PCDHAC2: variants seen among roughly 807,000 people sequenced by gnomAD.
PCDHAC2 encodes protocadherin alpha subfamily C, 2.
A neutral mutation model predicts 63.3 loss-of-function variants in PCDHAC2; 24 were observed. The ratio of observed to expected loss-of-function variants is 0.38; its 90% CI spans 0.27 to 0.53. The LOEUF (loss-of-function observed/expected upper bound fraction) is 0.53. Ranked by LOEUF, PCDHAC2 falls within the 20% of genes least tolerant of loss-of-function variation. PCDHAC2 has a pLI of 0.81. For synonymous variants in PCDHAC2, 569 were observed against 529.4 expected, an observed-to-expected ratio of 1.07 and a Z score of -1.03; for missense variants, 1,181 against 1,275.2, an observed-to-expected ratio of 0.93 and a Z score of 1.12.
chr5:140,997,610 C>A (rs1223241020), intron 3 of PCDHAC2, among the ~76,000 whole-genome samples: 1 of 151,776 alleles, frequency 6.6e-6, no homozygotes, highest in Non-Finnish European at 1.5e-5. Flanking sequence ...GGGCGCATGA[C>A]TATATAGAGA....
At chr5:140,992,807 C>G (rs781970284) in intron 3 of PCDHAC2, among the ~76,000 whole-genome samples, 6 of 152,108 alleles carry the variant, frequency 3.9e-5, no homozygotes, top group Non-Finnish European at 4.4e-5. Flanking sequence ...CCATATGTAT[C>G]TAAGGATGTG....
At chr5:141,007,379 C>T (rs1178671835) in intron 3 of PCDHAC2, among the ~76,000 whole-genome samples, 1 of 139,926 alleles carries the variant, frequency 7.1e-6, no homozygotes, top group Non-Finnish European at 1.5e-5. Context: ...GATGGAACAC[C>T]ATCTCTACTA....
chr5:141,009,494 A>G (rs1554262180), intron 3 of PCDHAC2, 133 bp from the exon 4 acceptor site: 16 of 1,488,800 alleles, frequency 1.1e-5, no homozygotes, highest in Non-Finnish European at 1.4e-5. Flanking sequence ...TTGCCCTCAG[A>G]CTTGAACAAA....
Position 141,000,395 on chromosome 5 carries a change from C to CTA in PCDHAC2, c.2714-9206_2714-9205dup, listed in dbSNP as rs1190667031. 1.6e-3 allele frequency among the ~76,000 whole-genome samples: 89 copies of CTA among 53,960 alleles called. 3 individuals carry two copies. Among genetic ancestry groups the CTA allele is most frequent in the Non-Finnish European group, 2.3e-3 (71 of 31,108 alleles). 35.4% of individuals were successfully genotyped at this position (53,960 alleles called of 152,430 possible). A position where few individuals can be genotyped will look rare whatever the true frequency, so the allele number is the denominator to read the frequency against. ...TCTCTCTCTCTCTCTCTCTCTCTCT[C>CTA]TATATATATATATATATATATATAT... On this transcript the variant is annotated intron_variant, in intron 3 of 3. Coordinates refer to ENST00000289269, the MANE Select transcript of PCDHAC2 (RefSeq NM_018899.6).
intron 3 of PCDHAC2, among the ~76,000 whole-genome samples, chr5:140,986,372 G>C (rs570215048): frequency 2.1e-4 from 32 of 152,248 alleles, no homozygotes; most frequent in Admixed American, 5.2e-4. Context: ...ATGCGTTTTG[G>C]GGGGAGGGAC....
chr5:140,983,113 A>G (rs2097027812), intron 3 of PCDHAC2, among the ~76,000 whole-genome samples: 2 of 152,254 alleles, frequency 1.3e-5, no homozygotes, highest in Admixed American at 6.5e-5. Context: ...CTGCACATCA[A>G]CAACATTCTG....
chr5:141,007,325 C>T (rs1303133451), intron 3 of PCDHAC2, among the ~76,000 whole-genome samples: 1 of 145,322 alleles, frequency 6.9e-6, no homozygotes, highest in Non-Finnish European at 1.5e-5. Flanking sequence ...CTAAAGTGGA[C>T]AGATTGCCTG....
In PCDHAC2 at chr5:140,967,709, G is replaced by A. The variant is rs1554229820; in HGVS notation, c.943G>A (p.Gly315Arg). Residue 315 changes from glycine (G) to arginine (R), a missense_variant, in exon 1 of 4, where the codon GGG becomes AGG. Gly to Arg is a moderately radical substitution (Grantham distance 125). This residue lies in a region of PCDHAC2 where 968 missense variants were observed against 1,073.5 expected (regional missense o/e 0.90). Coordinates refer to ENST00000289269, the MANE Select transcript of PCDHAC2 (RefSeq NM_018899.6). ...RQLFSIDASTGEVRVIGGLDY... is the reference protein window; with the variant it reads ...RQLFSIDASTREVRVIGGLDY... ...GCTCTTCAGCATAGATGCCAGTACC[G>A]GGGAAGTGCGAGTAATTGGGGGGCT... is the stretch of plus-strand genomic sequence containing the variant. 5 of 1,614,022 alleles carry A rather than the reference G, an allele frequency of 3.1e-6. No homozygotes were observed. The highest frequency in any genetic ancestry group is 3.3e-5 in the Admixed American group (2 of 60,006).
intron 3 of PCDHAC2, 102 bp downstream of exon 3, chr5:140,982,665 A>G (rs1318068299): frequency 2.0e-6 from 3 of 1,465,204 alleles, no homozygotes; most frequent in Middle Eastern, 2.1e-4. Context: ...TTTCTTTTAT[A>G]TTTTTGTTAT....
At chr5:140,970,773 T>G (rs1385909769) in intron 1 of PCDHAC2, among the ~76,000 whole-genome samples, 1 of 152,240 alleles carries the variant, frequency 6.6e-6, no homozygotes, top group Non-Finnish European at 1.5e-5. Context: ...TTGCTGTACA[T>G]ACATATTGTA....
chr5:141,009,953 A>G lies in PCDHAC2; in HGVS notation c.*16A>G, dbSNP rs782663496. 3 of 1,592,888 alleles carry G rather than the reference A, an allele frequency of 1.9e-6. No homozygotes were observed. Among genetic ancestry groups the G allele is most frequent in the Non-Finnish European group, 2.6e-6 (3 of 1,172,546 alleles). On this transcript the variant is annotated 3_prime_UTR_variant, in exon 4 of 4. Transcript: ENST00000289269. ...TGACCAGTGAGGTCCTCAAATGGAA[A>G]CAAGCCACTTAGCCAGTTTTTGTAA...
At chr5:140,969,552 T>A in intron 1 of PCDHAC2, 1 of 1,234,382 alleles carries the variant, frequency 8.1e-7, no homozygotes, top group Non-Finnish European at 1.1e-6. Flanking sequence ...CATGAAGCCT[T>A]GTCCATAAAA....
At chr5:140,997,603 C>T (rs781897268) in intron 3 of PCDHAC2, among the ~76,000 whole-genome samples, 2 of 151,824 alleles carry the variant, frequency 1.3e-5, no homozygotes, top group African/African-American at 2.4e-5. Flanking sequence ...GATTATGGGG[C>T]GCATGACTAT....
chr5:140,968,278 G>A lies in PCDHAC2; in HGVS notation c.1512G>A (p.Val504=). ...CAGATGAAAAGGAGAATGCAGAGGT[G>A]ACCTACTCCCTTCTGGAGAGGGAGA... is the stretch of plus-strand genomic sequence containing the variant. ...TDPDEKENAE[V]TYSLLEREIQ... is the part of the protein sequence containing the mutation. The change falls in exon 1 of 4, where the codon GTG becomes GTA. Residue 504 remains valine, a synonymous_variant. Coordinates refer to ENST00000289269, the MANE Select transcript of PCDHAC2 (RefSeq NM_018899.6). The A allele has an allele frequency of 6.2e-7, 1 of 1,614,014 alleles. No individual in the cohort carries two copies. Among genetic ancestry groups the A allele is most frequent in the Non-Finnish European group, 8.5e-7 (1 of 1,179,938 alleles).
At chr5:140,985,348 A>G (rs1197077354) in intron 3 of PCDHAC2, among the ~76,000 whole-genome samples, 2 of 152,190 alleles carry the variant, frequency 1.3e-5, no homozygotes, top group Non-Finnish European at 2.9e-5. Context: ...AGGCCCAGAT[A>G]TAGACCCTCT....
chr5:140,975,207 G>A (rs2096658071), intron 1 of PCDHAC2, among the ~76,000 whole-genome samples: 1 of 152,180 alleles, frequency 6.6e-6, no homozygotes. Flanking sequence ...CTTCATGGCT[G>A]GCACTGGAGA....
At chr5:141,007,235 T>G (rs2098311065) in intron 3 of PCDHAC2, among the ~76,000 whole-genome samples, 1 of 151,964 alleles carries the variant, frequency 6.6e-6, no homozygotes, top group Non-Finnish European at 1.5e-5. Context: ...GAAGGATTGT[T>G]GAGCTGAAGG....
At chr5:140,975,594 A>G (rs914837592) in intron 1 of PCDHAC2, among the ~76,000 whole-genome samples, 3 of 152,236 alleles carry the variant, frequency 2.0e-5, no homozygotes, top group Admixed American at 2.0e-4. Flanking sequence ...CCAGAGGGCA[A>G]TTTGTTGATG....
rs781912172 is a variant in PCDHAC2 at position 140,967,234 on chromosome 5, G to A, written c.468G>A (p.Gln156=). Residue 156 remains glutamine, a synonymous_variant, in exon 1 of 4, where the codon CAG becomes CAA. Transcript: ENST00000289269. ...TCCCGCGGCCCAACTACCAGCTTCA[G>A]GTAAGCGAATCGGTGGCGCCTGGAG... ...PRFPRPNYQL[Q]VSESVAPGAR... is the part of the protein sequence containing the mutation. 3 of 1,613,746 alleles carry A rather than the reference G, an allele frequency of 1.9e-6. No individual in the cohort carries two copies. Among genetic ancestry groups the A allele is most frequent in the South Asian group, 1.1e-5 (1 of 91,090 alleles).
Sources: allele counts gnomAD v4.1 joint callset (sites outside exome capture counted in the v4.1 genomes callset), GRCh38; gene constraint gnomAD v4.1.1; regional missense constraint gnomAD v4.1.1; transcripts MANE v1.5; gene names NCBI Gene and HGNC (gene_info 2026-07-23, HGNC 2026-07-21).